GCSAML: variants seen among roughly 807,000 people sequenced by gnomAD.
The protein encoded by GCSAML is germinal center-associated signaling and motility-like protein.
GCSAML carries 9 observed loss-of-function variants against 13.0 expected under a neutral mutation model. That is an observed-to-expected ratio of 0.69 (90% CI 0.42 to 1.21). The LOEUF (loss-of-function observed/expected upper bound fraction) is 1.21. GCSAML is among the 50% of genes most tolerant of loss of function. GCSAML has a pLI of 0.00. For missense variants in GCSAML, 143 were observed against 153.4 expected, an observed-to-expected ratio of 0.93 and a Z score of 0.36; for synonymous variants, 37 against 52.9, an observed-to-expected ratio of 0.70 and a Z score of 1.31.
intron 4 of GCSAML, among the ~76,000 whole-genome samples, chr1:247,567,291 T>C (rs1001212145): frequency 6.6e-6 from 1 of 151,892 alleles, no homozygotes; most frequent in African/African-American, 2.4e-5. Context: ...AAACCCCCCA[T>C]GCATTAGGTA....
upstream of GCSAML, among the ~76,000 whole-genome samples, chr1:247,544,186 T>G (rs578236757): frequency 3.7e-4 from 57 of 152,154 alleles, no homozygotes; most frequent in African/African-American, 1.3e-3. Flanking sequence ...AGGTCGAAAT[T>G]TTGCATGCTT....
At chr1:247,561,753 G>T (rs569915741) in intron 2 of GCSAML, among the ~76,000 whole-genome samples, 1 of 152,020 alleles carries the variant, frequency 6.6e-6, no homozygotes, top group South Asian at 2.1e-4. Flanking sequence ...TTGTAACTTT[G>T]TGCTTAGTAC....
intron 2 of GCSAML, chr1:247,531,742 A>G (rs746274604): frequency 1.2e-6 from 2 of 1,614,174 alleles, no homozygotes; most frequent in Non-Finnish European, 1.7e-6. Context: ...ATACATGAAG[A>G]TGATGCTCCC....
In GCSAML at chr1:247,576,857, G is replaced by T. The variant is rs1252269904; in HGVS notation, c.*2475G>T. ...AATTTTTTACTTTTCGTCTGCCTTT[G>T]TAGCTGTTTTATGATATAAATACCT... On this transcript the variant is annotated 3_prime_UTR_variant, in exon 5 of 5. Transcript: ENST00000366488. 1 of 152,146 alleles carries T rather than the reference G, an allele frequency of 6.6e-6. No individual in the cohort carries two copies. Among genetic ancestry groups the T allele is most frequent in the Non-Finnish European group, 1.5e-5 (1 of 68,020 alleles). The allele number at this position is 152,146 out of a possible 1,614,324, so 9.4% of individuals were successfully genotyped here.
At chr1:247,542,536 C>T (rs1233533414) in intron 2 of GCSAML, among the ~76,000 whole-genome samples, 3 of 152,128 alleles carry the variant, frequency 2.0e-5, no homozygotes, top group African/African-American at 7.2e-5. Context: ...AATAGAAGAG[C>T]GAATTGCTCT....
chr1:247,530,823 C>CG (rs1410574501), intron 2 of GCSAML: 1 of 13,070 alleles, frequency 7.7e-5, no homozygotes, highest in Non-Finnish European at 2.2e-4. Context: ...GACCGCCTTC[C>CG]TCGCCCTCCA....
intron 2 of GCSAML, among the ~76,000 whole-genome samples, chr1:247,537,446 T>C (rs1667260626): frequency 6.6e-6 from 1 of 152,268 alleles, no homozygotes; most frequent in African/African-American, 2.4e-5. Flanking sequence ...AGAGCTGCTA[T>C]GAACATTCAC....
chr1:247,531,588 C>A, intron 2 of GCSAML: 2 of 1,614,170 alleles, frequency 1.2e-6, no homozygotes, highest in Non-Finnish European at 1.7e-6. Flanking sequence ...CACAGCAGTT[C>A]TCTAATACCA....
intron 4 of GCSAML, among the ~76,000 whole-genome samples, chr1:247,568,998 G>GCT (rs1352434555): frequency 1.0e-5 from 1 of 96,248 alleles, no homozygotes; most frequent in African/African-American, 3.2e-5. Flanking sequence ...TCATGATTTG[G>GCT]CTCTCTTTGT....
rs886404307 is a variant in GCSAML at position 247,574,228 on chromosome 1, A to G, written c.254A>G (p.Asn85Ser). Reference protein sequence around the residue: ...IPHQRSSLSSNDDGYENIDSL... With the variant: ...IPHQRSSLSSSDDGYENIDSL... ...CATCAGAGATCCTCCCTGAGCTCCA[A>G]TGATGATGGCTATGAGAACATTGAC... The change falls in exon 5 of 5, where the codon AAT becomes AGT. Residue 85 changes from asparagine (N) to serine (S), a missense_variant. Transcript: ENST00000366488. 5.0e-6 allele frequency: 8 copies of G among 1,614,004 alleles called. No homozygotes were observed. The highest frequency in any genetic ancestry group is 1.6e-4 in the Middle Eastern group (1 of 6,084).
At chr1:247,544,612 C>T (rs1297600291), upstream of GCSAML, among the ~76,000 whole-genome samples, 3 of 152,054 alleles carry the variant, frequency 2.0e-5, no homozygotes, top group South Asian at 2.1e-4. Context: ...GTGGGTGGAT[C>T]GCTTGAGCCC....
At chr1:247,563,260 T>A (rs1181214018) in intron 2 of GCSAML, among the ~76,000 whole-genome samples, 1 of 152,198 alleles carries the variant, frequency 6.6e-6, no homozygotes, top group East Asian at 1.9e-4. Flanking sequence ...AAAATAAATT[T>A]CAAAACTTTC....
intron 1 of GCSAML, among the ~76,000 whole-genome samples, chr1:247,507,670 C>T (rs553600406): frequency 6.6e-6 from 1 of 152,258 alleles, no homozygotes; most frequent in East Asian, 1.9e-4. Flanking sequence ...TATCCCTCTC[C>T]TAGCCCCCTA....
chr1:247,543,913 T>C (rs1160299430), intron 2 of GCSAML, among the ~76,000 whole-genome samples: 2 of 152,180 alleles, frequency 1.3e-5, no homozygotes, highest in Non-Finnish European at 2.9e-5. Flanking sequence ...TATCAGTCTC[T>C]GGAGTAGCTG....
In GCSAML at chr1:247,562,909, T is replaced by G. The variant is rs762073141; in HGVS notation, c.90-681T>G. Among the ~76,000 whole-genome samples the G allele has an allele frequency of 1.1e-3, 165 of 151,964 alleles. 4 individuals carry two copies. Among genetic ancestry groups the G allele is most frequent in the Non-Finnish European group, 3.7e-4 (25 of 67,982 alleles). ...GGCTGGAGTGCAGTGAAATGATCTC[T>G]GCTCGCTGCAACCTCTGCCTCCCGG... On this transcript the variant is annotated intron_variant, in intron 2 of 4. Coordinates refer to ENST00000366488, the MANE Select transcript of GCSAML (RefSeq NM_145278.5).
intron 1 of GCSAML, among the ~76,000 whole-genome samples, chr1:247,521,529 G>A (rs927151665): frequency 1.3e-5 from 2 of 152,190 alleles, no homozygotes; most frequent in Admixed American, 6.5e-5. Flanking sequence ...TGCAGGGGGC[G>A]CCACGACGCC....
upstream of GCSAML, among the ~76,000 whole-genome samples, chr1:247,545,218 G>T (rs1243816519): frequency 2.0e-5 from 3 of 152,212 alleles, no homozygotes; most frequent in Non-Finnish European, 4.4e-5. Flanking sequence ...GCTGTCAACA[G>T]GTATGCCCTG....
chr1:247,552,891 G>T (rs1004439576), intron 1 of GCSAML, among the ~76,000 whole-genome samples: 1 of 152,110 alleles, frequency 6.6e-6, no homozygotes, highest in African/African-American at 2.4e-5. Flanking sequence ...GAGTAGCTGG[G>T]ACTACAGGCA....
rs184317291 is a variant in GCSAML, at chr1:247,565,921, A to G, written c.140-10A>G. The G allele has an allele frequency of 0.01, 14,880 of 1,482,862 alleles. 96 individuals carry two copies. Among genetic ancestry groups the G allele is most frequent in the Non-Finnish European group, 0.012 (13,207 of 1,113,674 alleles). The allele number at this position is 1,482,862 out of a possible 1,614,324, so 91.9% of individuals were successfully genotyped here. A position where few individuals can be genotyped will look rare whatever the true frequency, so the allele number is the denominator to read the frequency against. On this transcript the variant is annotated splice_polypyrimidine_tract_variant and intron_variant, in intron 3 of 4. Transcript: ENST00000366488. ...CTTTCTTTCTTTTTTTTTTTTTTTT[A>G]ATTCTCCAGGCCAAGAAGTTTCATC...
Sources: allele counts gnomAD v4.1 joint callset (sites outside exome capture counted in the v4.1 genomes callset), GRCh38; gene constraint gnomAD v4.1.1; transcripts MANE v1.5; gene names NCBI Gene and HGNC (gene_info 2026-07-23, HGNC 2026-07-21).